Variants in CA10 observed in about 807,000 individuals in gnomAD.
CA10 encodes the protein carbonic anhydrase 10 (inactive), also known as carbonic anhydrase-related protein 10.
A neutral mutation model predicts 44.2 loss-of-function variants in CA10; 14 were observed. The ratio of observed to expected loss-of-function variants is 0.32; its 90% CI spans 0.21 to 0.50. CA10 has a LOEUF of 0.50. CA10 is among the 20% of genes least tolerant of loss of function. The pLI is 0.99. For missense variants in CA10, 350 were observed against 409.7 expected (o/e 0.85, Z 1.26); for synonymous variants, 159 against 141.6 (o/e 1.12, Z -0.87).
chr17:51,698,788 T>C (rs944782504), intron 4 of CA10, among the ~76,000 whole-genome samples: 1 of 152,198 alleles, frequency 6.6e-6, no homozygotes, highest in Admixed American at 6.5e-5. Context: ...TTAGATTCCA[T>C]ATATAAGACA....
chr17:51,848,039 T>C (rs1360203356), intron 3 of CA10, among the ~76,000 whole-genome samples: 1 of 152,196 alleles, frequency 6.6e-6, no homozygotes, highest in Non-Finnish European at 1.5e-5. Flanking sequence ...TTAAGGCAAT[T>C]GAGGCATTCA....
At chr17:51,954,112 T>C (rs1348724406) in intron 2 of CA10, among the ~76,000 whole-genome samples, 1 of 152,162 alleles carries the variant, frequency 6.6e-6, no homozygotes, top group Non-Finnish European at 1.5e-5. Flanking sequence ...AAATGACTTT[T>C]TAAACTAAAG....
intron 3 of CA10, among the ~76,000 whole-genome samples, chr17:51,920,316 GA>G (rs1441493462): frequency 6.6e-6 from 1 of 152,046 alleles, no homozygotes; most frequent in Non-Finnish European, 1.5e-5. Context: ...AAGAGGAAGT[GA>G]AAGGACAGGG....
intron 3 of CA10, among the ~76,000 whole-genome samples, chr17:51,879,455 G>A (rs1264681279): frequency 6.6e-6 from 1 of 151,796 alleles, no homozygotes; most frequent in Non-Finnish European, 1.5e-5. Context: ...ATCTACTATG[G>A]GATCCCCATT....
chr17:52,055,307 G>C (rs1987194574), intron 2 of CA10, among the ~76,000 whole-genome samples: 1 of 145,950 alleles, frequency 6.9e-6, no homozygotes, highest in Non-Finnish European at 1.5e-5. Context: ...TTGGACACCT[G>C]AGGACTCAGA....
intron 1 of CA10, among the ~76,000 whole-genome samples, chr17:52,084,302 A>G (rs565869159): frequency 6.6e-6 from 1 of 152,300 alleles, no homozygotes; most frequent in African/African-American, 2.4e-5. Flanking sequence ...GCCAGGGCAG[A>G]TTTATTTTTT....
intron 3 of CA10, among the ~76,000 whole-genome samples, chr17:51,819,364 C>T (rs1434845819): frequency 1.3e-5 from 2 of 152,178 alleles, no homozygotes; most frequent in Admixed American, 6.5e-5. Context: ...AGCTGATCCT[C>T]ACCTTGGTGG....
intron 3 of CA10, among the ~76,000 whole-genome samples, chr17:51,779,888 T>G (rs907300023): frequency 5.3e-5 from 8 of 152,124 alleles, no homozygotes; most frequent in Non-Finnish European, 1.2e-4. Context: ...CTGCCTGCGG[T>G]TGGATGATGG....
At chr17:51,991,998 T>G (rs1349065907) in intron 2 of CA10, among the ~76,000 whole-genome samples, 1 of 152,074 alleles carries the variant, frequency 6.6e-6, no homozygotes, top group Non-Finnish European at 1.5e-5. Flanking sequence ...TACAAAACAT[T>G]TCTAACATAC....
rs558663725 is a variant in CA10 at position 51,652,247 on chromosome 17, C to T, written c.561+1394G>A. 1.2e-4 allele frequency among the ~76,000 whole-genome samples: 18 copies of T among 152,298 alleles called. No homozygotes were observed. In the East Asian group the frequency reaches 1.5e-3, roughly 13 times the overall value. On this transcript the variant is annotated intron_variant, in intron 5 of 8. Transcript: ENST00000451037. ...TTTTACTCATCTGTAAGATACAACACGAATGTTCAACCTCTGAGTTTATTA... is the reference window on the plus strand; with the variant it reads ...TTTTACTCATCTGTAAGATACAACATGAATGTTCAACCTCTGAGTTTATTA...
At chr17:51,727,586 T>C (rs1223596540) in intron 4 of CA10, among the ~76,000 whole-genome samples, 1 of 152,160 alleles carries the variant, frequency 6.6e-6, no homozygotes, top group African/African-American at 2.4e-5. Context: ...GGGCAGTCCT[T>C]CTCCTATTCT....
intron 3 of CA10, among the ~76,000 whole-genome samples, chr17:51,839,911 T>G (rs1376579853): frequency 6.6e-6 from 1 of 152,210 alleles, no homozygotes; most frequent in Non-Finnish European, 1.5e-5. Flanking sequence ...TCAGACATTG[T>G]TGCAAGTTTC....
intron 2 of CA10, among the ~76,000 whole-genome samples, chr17:52,050,003 C>A (rs891479739): frequency 2.0e-5 from 3 of 152,038 alleles, no homozygotes; most frequent in South Asian, 2.1e-4. Flanking sequence ...ATAGGCTATA[C>A]CACATAGCCT....
intron 4 of CA10, among the ~76,000 whole-genome samples, chr17:51,729,999 C>T (rs1916660917): frequency 6.6e-6 from 1 of 152,204 alleles, no homozygotes; most frequent in Admixed American, 6.5e-5. Flanking sequence ...TGGTAAATAA[C>T]TTTCCTAAGG....
chr17:52,016,312 G>A (rs767001102), intron 2 of CA10, among the ~76,000 whole-genome samples: 44 of 152,106 alleles, frequency 2.9e-4, no homozygotes, highest in Non-Finnish European at 8.8e-5. Context: ...ACATGAGAGA[G>A]ATTAACTTTT....
At chr17:51,975,142 A>C (rs1984418612) in intron 2 of CA10, among the ~76,000 whole-genome samples, 1 of 152,190 alleles carries the variant, frequency 6.6e-6, no homozygotes, top group Non-Finnish European at 1.5e-5. Context: ...AAATGTCAAT[A>C]AAGGAGAGGA....
intron 2 of CA10, among the ~76,000 whole-genome samples, chr17:52,049,029 T>C (rs1986988421): frequency 6.6e-6 from 1 of 152,126 alleles, no homozygotes; most frequent in South Asian, 2.1e-4. Flanking sequence ...GCAGAAGGCA[T>C]AAAATAAAAT....
At chr17:51,954,573 A>G (rs1211693026) in intron 2 of CA10, among the ~76,000 whole-genome samples, 1 of 151,976 alleles carries the variant, frequency 6.6e-6, no homozygotes, top group African/African-American at 2.4e-5. Flanking sequence ...TAGAGCTAGT[A>G]AAAAAAACCA....
intron 3 of CA10, among the ~76,000 whole-genome samples, chr17:51,827,143 A>C (rs1908039380): frequency 6.6e-6 from 1 of 152,204 alleles, no homozygotes; most frequent in Admixed American, 6.5e-5. Flanking sequence ...CAGTTTTGGC[A>C]AAGTGAATAC....
Sources: allele counts gnomAD v4.1 joint callset (sites outside exome capture counted in the v4.1 genomes callset), GRCh38; gene constraint gnomAD v4.1.1; transcripts MANE v1.5; gene names NCBI Gene and HGNC (gene_info 2026-07-23, HGNC 2026-07-21).